USH2A: variants seen among roughly 807,000 people sequenced by gnomAD.
USH2A encodes the protein Usher syndrome 2A (autosomal recessive, mild).
USH2A carries 443 observed loss-of-function variants against 538.9 expected under a neutral mutation model. The observed-to-expected ratio is 0.82, with a 90% CI of 0.76 to 0.89. The LOEUF (loss-of-function observed/expected upper bound fraction) is 0.89. Among genes scored for constraint, USH2A ranks in the 40% least tolerant of loss-of-function variants. USH2A has a pLI of 0.00. For missense variants in USH2A, 6,633 were observed against 6,324.8 expected, an observed-to-expected ratio of 1.05 and a Z score of -1.65; for synonymous variants, 2,413 against 2,273.5, an observed-to-expected ratio of 1.06 and a Z score of -1.75.
At chr1:216,078,495 C>T (rs1363031719) in intron 26 of USH2A, 133 bp from the exon 27 acceptor site, 11 of 799,968 alleles carry the variant, frequency 1.4e-5, no homozygotes, top group African/African-American at 1.7e-5. Flanking sequence ...AAATGTGTCA[C>T]TCTACCCTAA....
At chr1:215,702,585 C>G (rs1454740355) in intron 61 of USH2A, among the ~76,000 whole-genome samples, 1 of 151,516 alleles carries the variant, frequency 6.6e-6, no homozygotes, top group Admixed American at 6.6e-5. Context: ...CTCTGATATC[C>G]TTTCTTCTGC....
Position 215,836,060 on chromosome 1 carries a change from C to A in USH2A, c.9371+1931G>T, listed in dbSNP as rs529636732. On this transcript the variant is annotated intron_variant, in intron 47 of 71. Transcript: ENST00000307340. ...CCTAGAGACACAGTCACATTTGTTC[C>A]ATTTCTTATAAAGCTTAGACGTTAT... Among the ~76,000 whole-genome samples, 3 of 152,080 alleles carry A rather than the reference C, an allele frequency of 2.0e-5. No homozygotes were observed. In the South Asian group the frequency reaches 6.2e-4, roughly 32 times the overall value.
chr1:216,010,385 A>G (rs1668530476), intron 32 of USH2A, among the ~76,000 whole-genome samples: 1 of 152,080 alleles, frequency 6.6e-6, no homozygotes, highest in African/African-American at 2.4e-5. Flanking sequence ...CGGACTGTTC[A>G]GCTCACCTGG....
rs75163514 is a variant in USH2A, at chr1:216,413,231, C to T, written c.651+5283G>A. ...ACACACACAGAGTCAGAGCTAAATG[C>T]AATGATATATTAAAGAAATAATATG... On this transcript the variant is annotated intron_variant, in intron 3 of 71. Transcript: ENST00000307340. Among the ~76,000 whole-genome samples the T allele has an allele frequency of 1.7e-3, 255 of 151,910 alleles. 5 individuals are homozygous for T. Among genetic ancestry groups the T allele is most frequent in the African/African-American group, 5.8e-3 (242 of 41,478 alleles).
intron 50 of USH2A, among the ~76,000 whole-genome samples, chr1:215,790,579 G>A (rs1452445623): frequency 1.3e-5 from 2 of 152,186 alleles, no homozygotes; most frequent in Non-Finnish European, 2.9e-5. Context: ...CATGAAAACT[G>A]CCTGCGCATT....
chr1:216,338,444 A>G (rs2038016335), intron 4 of USH2A, among the ~76,000 whole-genome samples: 1 of 151,576 alleles, frequency 6.6e-6, no homozygotes, highest in African/African-American at 2.4e-5. Flanking sequence ...TACCTCACAC[A>G]TTATACAAAA....
intron 13 of USH2A, among the ~76,000 whole-genome samples, chr1:216,244,849 C>T (rs2036005135): frequency 6.6e-6 from 1 of 152,020 alleles, no homozygotes; most frequent in African/African-American, 2.4e-5. Context: ...TTGTTTAAAA[C>T]ATGTGACTTG....
At position 216,421,726 on chromosome 1, in the gene USH2A, G is replaced by C. The variant is rs556428704; in HGVS notation, c.485+126C>G. 50 of 1,422,090 alleles carry C rather than the reference G, an allele frequency of 3.5e-5. No individual in the cohort carries two copies. In the South Asian group the frequency reaches 5.9e-4, roughly 17 times the overall value. 88.1% of individuals were successfully genotyped at this position (1,422,090 alleles called of 1,614,324 possible). ...ATTTTAATTGGGGAAACAACTGGAAGAGTTAGTCTTCAATACCATGAATTC... is the reference window on the plus strand; with the variant it reads ...ATTTTAATTGGGGAAACAACTGGAACAGTTAGTCTTCAATACCATGAATTC... On this transcript the variant is annotated intron_variant, in intron 2 of 71. Coordinates refer to ENST00000307340, the MANE Select transcript of USH2A (RefSeq NM_206933.4).
intron 4 of USH2A, among the ~76,000 whole-genome samples, chr1:216,332,898 A>C (rs1244672509): frequency 6.6e-6 from 1 of 152,142 alleles, no homozygotes. Flanking sequence ...TATGTGTTTA[A>C]AATGTCTGGT....
rs150688328 is a variant in USH2A, at chr1:215,634,645, G to A, written c.15111C>T (p.Phe5037=). Residue 5037 remains phenylalanine, a synonymous_variant, in exon 70 of 72, where the codon TTC becomes TTT. Transcript: ENST00000307340. The part of the protein sequence containing the change: ...KKGSRSKSTE[F]YSELWFIVLM... ...ACACTATGAACCACAGCTCGCTGTA[G>A]AACTCTGTGCTTTTGCTCCGCGATC... 1.9e-6 allele frequency: 3 copies of A among 1,614,120 alleles called. No homozygotes were observed. The African/African-American group carries it at 4.0e-5, about 22-fold the overall frequency.
At chr1:216,401,218 G>A (rs900410379) in intron 3 of USH2A, among the ~76,000 whole-genome samples, 6 of 152,078 alleles carry the variant, frequency 3.9e-5, no homozygotes, top group East Asian at 3.8e-4. Flanking sequence ...GTAGTAATAT[G>A]TCCATGTCAG....
At chr1:216,009,020 G>A (rs1014270142) in intron 32 of USH2A, among the ~76,000 whole-genome samples, 10 of 151,884 alleles carry the variant, frequency 6.6e-5, no homozygotes, top group African/African-American at 2.2e-4. Context: ...TCTGGGGGAG[G>A]GGCAAATATC....
intron 3 of USH2A, among the ~76,000 whole-genome samples, chr1:216,380,660 C>G (rs1308397381): frequency 6.6e-6 from 1 of 152,010 alleles, no homozygotes; most frequent in Non-Finnish European, 1.5e-5. Flanking sequence ...CACAGTTTTT[C>G]TAAAACTAAT....
intron 4 of USH2A, among the ~76,000 whole-genome samples, chr1:216,353,246 G>C (rs532048863): frequency 6.6e-6 from 1 of 151,900 alleles, no homozygotes; most frequent in African/African-American, 2.4e-5. Flanking sequence ...TTGGACTCAG[G>C]GTATAAGGGG....
chr1:215,751,285 T>C (rs1404071229), intron 58 of USH2A, among the ~76,000 whole-genome samples: 1 of 150,894 alleles, frequency 6.6e-6, no homozygotes, highest in Non-Finnish European at 1.5e-5. Flanking sequence ...ATAAAAATTA[T>C]TTATCAGTAG....
chr1:216,210,728 A>G (rs1461363172), intron 15 of USH2A, among the ~76,000 whole-genome samples: 1 of 152,086 alleles, frequency 6.6e-6, no homozygotes, highest in East Asian at 1.9e-4. Flanking sequence ...TGCCTATCCA[A>G]TGAAGTTGCT....
chr1:216,306,616 T>C (rs989970845), intron 9 of USH2A, among the ~76,000 whole-genome samples: 1 of 152,166 alleles, frequency 6.6e-6, no homozygotes, highest in African/African-American at 2.4e-5. Context: ...GTTTTTCAGG[T>C]TGCTTTTCAT....
chr1:216,309,455 C>T lies in USH2A; in HGVS notation c.1644+12428G>A, dbSNP rs548800489. ...TCTCATAATTCTAATATGTTCAGCA[C>T]ATTTAGATTTGTTGTGATTGTTTAT... On this transcript the variant is annotated intron_variant, in intron 9 of 71. Transcript: ENST00000307340. Among the ~76,000 whole-genome samples, 9 of 152,194 alleles carry T rather than the reference C, an allele frequency of 5.9e-5. No individual in the cohort carries two copies. The South Asian group carries it at 1.9e-3, about 32-fold the overall frequency.
chr1:215,779,146 A>C (rs1359225379), intron 55 of USH2A, among the ~76,000 whole-genome samples: 1 of 152,212 alleles, frequency 6.6e-6, no homozygotes, highest in Non-Finnish European at 1.5e-5. Flanking sequence ...TCTATGATGG[A>C]AATAAAACAA....
Sources: gnomAD v4.1 joint callset for allele counts (sites outside exome capture counted in the v4.1 genomes callset) on GRCh38, gnomAD v4.1.1 for gene constraint, MANE v1.5 for transcripts, NCBI Gene and HGNC (gene_info 2026-07-23, HGNC 2026-07-21) for gene names.